GRIK2: variants seen among roughly 807,000 people sequenced by gnomAD.
GRIK2 encodes the protein glutamate ionotropic receptor kainate type subunit 2.
A neutral mutation model predicts 100.3 loss-of-function variants in GRIK2; 32 were observed. The ratio of observed to expected loss-of-function variants is 0.32; its 90% CI spans 0.24 to 0.43. The LOEUF (loss-of-function observed/expected upper bound fraction) is 0.43. Ranked by LOEUF, GRIK2 falls within the 20% of genes least tolerant of loss-of-function variation. The pLI, the probability that GRIK2 is intolerant of heterozygous loss-of-function variation, is 1.00. For missense variants in GRIK2, 843 were observed against 1,114.9 expected, an observed-to-expected ratio of 0.76 and a Z score of 3.47; for synonymous variants, 417 against 389.4, an observed-to-expected ratio of 1.07 and a Z score of -0.83.
chr6:101,889,899 G>A (rs1041719386), intron 12 of GRIK2, 36 bp downstream of exon 12: 1 of 1,167,264 alleles, frequency 8.6e-7, no homozygotes, highest in African/African-American at 1.5e-5. Context: ...TTTGGCAATT[G>A]TTACCTCCTT....
At chr6:102,012,587 G>A (rs1270079745) in intron 14 of GRIK2, among the ~76,000 whole-genome samples, 2 of 152,024 alleles carry the variant, frequency 1.3e-5, no homozygotes. Flanking sequence ...TTATACCTAA[G>A]TATTTCATTT....
chr6:101,901,175 T>TAA (rs1787822245), intron 12 of GRIK2, among the ~76,000 whole-genome samples: 1 of 152,052 alleles, frequency 6.6e-6, no homozygotes, highest in Non-Finnish European at 1.5e-5. Flanking sequence ...TGGTAAGAAA[T>TAA]AATTTTTTAC....
At chr6:102,026,111 C>T (rs1030267150) in intron 14 of GRIK2, among the ~76,000 whole-genome samples, 3 of 100,252 alleles carry the variant, frequency 3.0e-5, no homozygotes, top group African/African-American at 4.2e-5. Flanking sequence ...TATACACTTA[C>T]ATATATATAT....
intron 2 of GRIK2, among the ~76,000 whole-genome samples, chr6:101,609,955 T>G (rs1779600604): frequency 6.6e-6 from 1 of 151,734 alleles, no homozygotes. Flanking sequence ...AATGTTAATA[T>G]TTTAGCAATC....
intron 4 of GRIK2, among the ~76,000 whole-genome samples, chr6:101,660,217 A>C (rs759665157): frequency 1.3e-5 from 2 of 151,516 alleles, no homozygotes; most frequent in Non-Finnish European, 2.9e-5. Context: ...TTTTTTTATT[A>C]AGTTGATCTT....
intron 7 of GRIK2, among the ~76,000 whole-genome samples, chr6:101,781,805 C>G (rs999966905): frequency 6.6e-6 from 1 of 151,786 alleles, no homozygotes; most frequent in East Asian, 1.9e-4. Flanking sequence ...TTTTAACCCA[C>G]CTATTATTGA....
At chr6:101,885,046 G>A (rs1365129799) in intron 11 of GRIK2, among the ~76,000 whole-genome samples, 3 of 152,088 alleles carry the variant, frequency 2.0e-5, no homozygotes, top group African/African-American at 7.2e-5. Context: ...CGAAGGGTAT[G>A]CCTGCCGGCT....
chr6:101,679,187 G>C (rs1771062294), intron 5 of GRIK2, among the ~76,000 whole-genome samples: 1 of 152,150 alleles, frequency 6.6e-6, no homozygotes, highest in Non-Finnish European at 1.5e-5. Context: ...AAATGTAAAA[G>C]AAAATGCTAA....
chr6:101,760,857 CTG>C (rs1777609383), intron 7 of GRIK2, among the ~76,000 whole-genome samples: 1 of 149,706 alleles, frequency 6.7e-6, no homozygotes, highest in South Asian at 2.1e-4. Context: ...AAAGTTAACA[CTG>C]TCATACAAAA....
At chr6:101,725,120 G>A (rs1367212507) in intron 7 of GRIK2, among the ~76,000 whole-genome samples, 1 of 151,912 alleles carries the variant, frequency 6.6e-6, no homozygotes, top group Non-Finnish European at 1.5e-5. Context: ...GCTTTACACG[G>A]GTAATAATCA....
chr6:101,731,359 T>G (rs919530159), intron 7 of GRIK2, among the ~76,000 whole-genome samples: 2 of 151,992 alleles, frequency 1.3e-5, no homozygotes. Flanking sequence ...GAAAATAATG[T>G]ATAAACAAAG....
chr6:101,508,245 A>G (rs930910400), intron 2 of GRIK2, among the ~76,000 whole-genome samples: 2 of 152,152 alleles, frequency 1.3e-5, no homozygotes, highest in Non-Finnish European at 2.9e-5. Context: ...TTGACTTCCC[A>G]CACTACCTGT....
intron 12 of GRIK2, among the ~76,000 whole-genome samples, chr6:101,893,665 C>T (rs532386241): frequency 2.0e-5 from 3 of 151,764 alleles, no homozygotes; most frequent in South Asian, 2.1e-4. Flanking sequence ...CTCAATTAGT[C>T]AAATATTTGT....
chr6:101,945,825 C>A (rs1223481323), intron 14 of GRIK2, among the ~76,000 whole-genome samples: 7 of 151,280 alleles, frequency 4.6e-5, no homozygotes, highest in Admixed American at 3.9e-4. Context: ...TTATGTTATT[C>A]TTCTTGTGAC....
intron 2 of GRIK2, among the ~76,000 whole-genome samples, chr6:101,503,735 T>C (rs2128275027): frequency 6.6e-6 from 1 of 152,304 alleles, no homozygotes; most frequent in East Asian, 1.9e-4. Context: ...ACAAAATTCC[T>C]CATGTTCTTT....
At chr6:101,971,204 A>G (rs1245173592) in intron 14 of GRIK2, among the ~76,000 whole-genome samples, 1 of 144,446 alleles carries the variant, frequency 6.9e-6, no homozygotes, top group Non-Finnish European at 1.5e-5. Flanking sequence ...TATTTCAAAT[A>G]TATTTTGTTA....
At chr6:102,007,010 G>A (rs1447596890) in intron 14 of GRIK2, among the ~76,000 whole-genome samples, 1 of 152,052 alleles carries the variant, frequency 6.6e-6, no homozygotes, top group Non-Finnish European at 1.5e-5. Context: ...GAAAATTAAT[G>A]TATATTTTTA....
rs115019591 is a variant in GRIK2, at chr6:102,061,976, A to G, written c.2563-6371A>G. On this transcript the variant is annotated intron_variant, in intron 16 of 16. Transcript: ENST00000369134. ...TGTGATGATTAGTATTATTTTTTCT[A>G]AAAATGCATTTCACAGCTATATTGA... Among the ~76,000 whole-genome samples, 502 of 150,404 alleles carry G rather than the reference A, an allele frequency of 3.3e-3. 2 individuals are homozygous for G. The highest frequency in any genetic ancestry group is 0.012 in the African/African-American group (487 of 41,390).
chr6:101,748,665 T>C (rs1278684480), intron 7 of GRIK2, among the ~76,000 whole-genome samples: 1 of 152,100 alleles, frequency 6.6e-6, no homozygotes, highest in Admixed American at 6.5e-5. Flanking sequence ...TATCTGATAC[T>C]CTACAGCTGT....
Sources: gnomAD v4.1 joint callset for allele counts (sites outside exome capture counted in the v4.1 genomes callset) on GRCh38, gnomAD v4.1.1 for gene constraint, MANE v1.5 for transcripts, NCBI Gene and HGNC (gene_info 2026-07-23, HGNC 2026-07-21) for gene names.